FRMPD3: variants seen among roughly 807,000 people sequenced by gnomAD.
The protein encoded by FRMPD3 is FERM and PDZ domain containing 3.
FRMPD3 carries 42 observed loss-of-function variants against 97.9 expected under a neutral mutation model. The observed-to-expected ratio is 0.43, with a 90% CI of 0.34 to 0.55. The LOEUF is 0.55. FRMPD3 is among the 20% of genes least tolerant of loss of function. FRMPD3 has a pLI of 0.03. For missense variants in FRMPD3, 1,303 were observed against 1,457.7 expected, an observed-to-expected ratio of 0.89 and a Z score of 1.73; for synonymous variants, 577 against 581.1, an observed-to-expected ratio of 0.99 and a Z score of 0.10.
At chrX:107,503,511 T>C (rs957793075) in intron 1 of FRMPD3, among the ~76,000 whole-genome samples, 3 of 112,401 alleles carry the variant, frequency 2.7e-5, no homozygotes, top group Admixed American at 9.4e-5. Context: ...TTCTATCGCC[T>C]TCTTTGCTAT....
At chrX:107,491,568 C>T (rs1304683391) in intron 1 of FRMPD3, among the ~76,000 whole-genome samples, 1 of 112,423 alleles carries the variant, frequency 8.9e-6, no homozygotes, top group Non-Finnish European at 1.9e-5. Flanking sequence ...ATTAGGGGCT[C>T]TGCCTACAAA....
At chrX:107,535,524 T>A in intron 4 of FRMPD3, among the ~76,000 whole-genome samples, 1 of 109,222 alleles carries the variant, frequency 9.2e-6, no homozygotes. Context: ...ACAAAAAAAA[T>A]TAGGCTGGGA....
At chrX:107,574,005 A>T (rs1428147487) in intron 12 of FRMPD3, among the ~76,000 whole-genome samples, 1 of 112,341 alleles carries the variant, frequency 8.9e-6, no homozygotes, top group African/African-American at 3.2e-5. Flanking sequence ...AAAGAGAGAG[A>T]TGAAGATGGT....
intron 8 of FRMPD3, among the ~76,000 whole-genome samples, chrX:107,558,153 G>A (rs1400776942): frequency 9.1e-6 from 1 of 109,766 alleles, no homozygotes; most frequent in Non-Finnish European, 1.9e-5. Context: ...CCTGAACACA[G>A]TATTTCTACA....
intron 8 of FRMPD3, among the ~76,000 whole-genome samples, chrX:107,556,542 T>C: frequency 8.9e-6 from 1 of 111,787 alleles, no homozygotes; most frequent in Admixed American, 9.5e-5. Context: ...CCTATGTTTA[T>C]GCCCATGAAA....
intron 4 of FRMPD3, among the ~76,000 whole-genome samples, chrX:107,542,079 G>T (rs1921339308): frequency 8.9e-6 from 1 of 112,414 alleles, no homozygotes; most frequent in Non-Finnish European, 1.9e-5. Context: ...CATGTTTGTG[G>T]CACCTTGGTG....
chrX:107,534,247 C>T (rs1483380057), intron 4 of FRMPD3, among the ~76,000 whole-genome samples: 1 of 111,993 alleles, frequency 8.9e-6, no homozygotes, highest in Non-Finnish European at 1.9e-5. Flanking sequence ...TAGTTGTACC[C>T]TTATAGCAAT....
chrX:107,524,995 CAAAAAAAAAAAAAA>C (rs750900204), intron 1 of FRMPD3, among the ~76,000 whole-genome samples: 163 of 13,743 alleles, frequency 0.012, 2 homozygotes, highest in South Asian at 0.027. Context: ...GACTCCATCT[CAAAAAAAAAAAAAA>C]AAAAAAAAAA....
At chrX:107,564,861 C>A in intron 11 of FRMPD3, 26 bp from the exon 12 acceptor site, 1 of 1,206,844 alleles carries the variant, frequency 8.3e-7, no homozygotes, top group Non-Finnish European at 1.1e-6. Context: ...CTTCTGTGAA[C>A]GTTGCCTGCC....
chrX:107,536,673 G>A, intron 4 of FRMPD3, among the ~76,000 whole-genome samples: 1 of 112,111 alleles, frequency 8.9e-6, no homozygotes, highest in Non-Finnish European at 1.9e-5. Context: ...ATTTCTCTGA[G>A]ATAAATGCCC....
At chrX:107,553,925 A>G (rs755896475) in intron 7 of FRMPD3, among the ~76,000 whole-genome samples, 5 of 112,366 alleles carry the variant, frequency 4.4e-5, no homozygotes, top group Non-Finnish European at 9.4e-5. Flanking sequence ...AGGTTCAACA[A>G]TTATCAATAC....
At chrX:107,538,713 T>C (rs1367752270) in intron 4 of FRMPD3, among the ~76,000 whole-genome samples, 1 of 111,357 alleles carries the variant, frequency 9.0e-6, no homozygotes, top group Non-Finnish European at 1.9e-5. Flanking sequence ...CAGTCTGGAG[T>C]GCAGTGGTGC....
At chrX:107,526,026 A>C (rs941806914) in intron 1 of FRMPD3, among the ~76,000 whole-genome samples, 1 of 111,601 alleles carries the variant, frequency 9.0e-6, no homozygotes, top group Non-Finnish European at 1.9e-5. Flanking sequence ...CAGTGAGCCA[A>C]GATCGTGTCA....
rs747061458 is a variant in FRMPD3 at position 107,578,913 on chromosome X, C to T, written c.1441+2454C>T. On this transcript the variant is annotated intron_variant, in intron 13 of 14. Coordinates refer to ENST00000683843, the MANE Select transcript of FRMPD3 (RefSeq NM_001388459.1). The stretch of plus-strand genomic sequence containing the variant: ...TGGTGTGCACATTTTGTCTCATGGC[C>T]GCTAAGAAGGGAAGGGCACAACTGA... Among the ~76,000 whole-genome samples the T allele has an allele frequency of 1.1e-4, 12 of 111,156 alleles. No individual in the cohort carries two copies. The East Asian group carries it at 3.4e-3, about 31-fold the overall frequency.
At chrX:107,598,417 G>A (rs187575585) in intron 14 of FRMPD3, among the ~76,000 whole-genome samples, 58 of 112,233 alleles carry the variant, frequency 5.2e-4, no homozygotes, top group African/African-American at 1.8e-3. Flanking sequence ...GACAGCTATG[G>A]ATGCAGGCCA....
intron 4 of FRMPD3, among the ~76,000 whole-genome samples, chrX:107,539,965 G>A (rs764542954): frequency 9.0e-6 from 1 of 111,668 alleles, no homozygotes; most frequent in African/African-American, 3.3e-5. Context: ...GCTAGTCAAA[G>A]GGACACTCTA....
chrX:107,509,431 G>A (rs911203167), intron 1 of FRMPD3, among the ~76,000 whole-genome samples: 35 of 111,586 alleles, frequency 3.1e-4, no homozygotes, highest in African/African-American at 1.0e-3. Context: ...GCTGTGCCCC[G>A]GTTGTCTCTG....
intron 9 of FRMPD3, 29 bp from the exon 10 acceptor site, chrX:107,560,698 C>T (rs1208034800): frequency 4.0e-5 from 46 of 1,154,532 alleles, no homozygotes; most frequent in Non-Finnish European, 5.3e-5. Flanking sequence ...GCCTCTCTCA[C>T]TAATCTCTTA....
chrX:107,593,384 A>C (rs1296792891), intron 13 of FRMPD3, among the ~76,000 whole-genome samples: 2 of 109,993 alleles, frequency 1.8e-5, no homozygotes, highest in Non-Finnish European at 3.8e-5. Flanking sequence ...GCTGTGCAAA[A>C]GCTCTTTAGT....
Sources: gnomAD v4.1 joint callset for allele counts (sites outside exome capture counted in the v4.1 genomes callset) on GRCh38, gnomAD v4.1.1 for gene constraint, MANE v1.5 for transcripts, NCBI Gene and HGNC (gene_info 2026-07-23, HGNC 2026-07-21) for gene names.